Variants in SLC2A12 observed in about 807,000 individuals in gnomAD.
SLC2A12 encodes solute carrier family 2, facilitated glucose transporter member 12.
A neutral mutation model predicts 41.8 loss-of-function variants in SLC2A12; 23 were observed. That is an observed-to-expected ratio of 0.55 (90% CI 0.40 to 0.78). The LOEUF is 0.78. Among genes scored for constraint, SLC2A12 ranks in the 30% least tolerant of loss-of-function variants. The pLI, the probability that SLC2A12 is intolerant of heterozygous loss-of-function variation, is 0.00. For missense variants in SLC2A12, 654 were observed against 745.6 expected, an observed-to-expected ratio of 0.88 and a Z score of 1.43; for synonymous variants, 295 against 285.9, an observed-to-expected ratio of 1.03 and a Z score of -0.32.
chr6:134,032,914 A>G (rs1777242427), intron 1 of SLC2A12, among the ~76,000 whole-genome samples: 1 of 148,960 alleles, frequency 6.7e-6, no homozygotes, highest in Admixed American at 6.8e-5. Flanking sequence ...TGGTAGGAAC[A>G]CAGATGTTTG....
chr6:134,017,702 A>C (rs1776980585), intron 2 of SLC2A12, among the ~76,000 whole-genome samples: 1 of 151,958 alleles, frequency 6.6e-6, no homozygotes, highest in Admixed American at 6.6e-5. Flanking sequence ...AATACAAAAA[A>C]AATTAGCCAG....
rs534462587 is a variant in SLC2A12, at chr6:134,020,481, T to C, written c.1444+7900A>G. 3.9e-5 allele frequency among the ~76,000 whole-genome samples: 6 copies of C among 152,348 alleles called. No individual in the cohort carries two copies. The South Asian group carries it at 8.3e-4, about 21-fold the overall frequency. ...TCTTCTTTAAACTCCAACTAGTTTA[T>C]ATAGTTTATACCAATGCTCTAGAAT... On this transcript the variant is annotated intron_variant, in intron 2 of 4. Coordinates refer to ENST00000275230, the MANE Select transcript of SLC2A12 (RefSeq NM_145176.3).
intron 1 of SLC2A12, among the ~76,000 whole-genome samples, chr6:134,052,006 A>G (rs1212563628): frequency 6.6e-6 from 1 of 152,320 alleles, no homozygotes; most frequent in African/African-American, 2.4e-5. Flanking sequence ...TGTGTTTACA[A>G]ATGAGACTAT....
chr6:134,003,780 C>T (rs1039668886), intron 3 of SLC2A12, among the ~76,000 whole-genome samples: 5 of 152,172 alleles, frequency 3.3e-5, no homozygotes, highest in Non-Finnish European at 7.3e-5. Flanking sequence ...ATGTTTTACT[C>T]AGAGCTGAAT....
At position 134,029,165 on chromosome 6, in the gene SLC2A12, G is replaced by A. The variant is rs1443819595; in HGVS notation, c.660C>T (p.Ser220=). 8 of 1,613,958 alleles carry A rather than the reference G, an allele frequency of 5.0e-6. No homozygotes were observed. The highest frequency in any genetic ancestry group is 5.9e-6 in the Non-Finnish European group (7 of 1,180,038). Residue 220 remains serine (S), a synonymous_variant, in exon 2 of 5, where the codon AGC becomes AGT. Transcript: ENST00000275230. The part of the protein sequence containing the change: ...QAIAMYFLPP[S]PRFLVMKGQE... ...GTCCTTTCATCACCAGAAACCGAGG[G>A]CTTGGAGGAAGAAAATACATTGCAA...
At chr6:134,014,458 CA>C (rs762220357) in intron 2 of SLC2A12, among the ~76,000 whole-genome samples, 2 of 152,118 alleles carry the variant, frequency 1.3e-5, no homozygotes, top group Non-Finnish European at 2.9e-5. Flanking sequence ...AATACCAAGC[CA>C]AAAAGGAAGG....
intron 2 of SLC2A12, 99 bp from the exon 3 acceptor site, chr6:134,007,033 C>A: frequency 6.6e-7 from 1 of 1,521,440 alleles, no homozygotes; most frequent in Non-Finnish European, 8.8e-7. Flanking sequence ...CTCATCCTGC[C>A]GGGATTTGTG....
At chr6:134,046,280 A>C (rs957102854) in intron 1 of SLC2A12, among the ~76,000 whole-genome samples, 9 of 152,262 alleles carry the variant, frequency 5.9e-5, no homozygotes, top group African/African-American at 2.2e-4. Context: ...GAGTTGTCTG[A>C]GAAGCAGCTA....
intron 2 of SLC2A12, among the ~76,000 whole-genome samples, chr6:134,008,183 A>T (rs1021946779): frequency 6.6e-6 from 1 of 152,192 alleles, no homozygotes; most frequent in African/African-American, 2.4e-5. Context: ...TCTGGCCAGC[A>T]ACCACCTGGG....
chr6:134,027,423 C>A (rs1777128662), intron 2 of SLC2A12, among the ~76,000 whole-genome samples: 1 of 152,086 alleles, frequency 6.6e-6, no homozygotes, highest in Non-Finnish European at 1.5e-5. Flanking sequence ...CTCCTTGATC[C>A]TTTTCAACAA....
At chr6:134,001,844 T>C (rs1562191218) in intron 4 of SLC2A12, among the ~76,000 whole-genome samples, 153 bp downstream of exon 4, 1 of 150,932 alleles carries the variant, frequency 6.6e-6, no homozygotes, top group Non-Finnish European at 1.5e-5. Flanking sequence ...AGCAGGGAAA[T>C]TGGAATTATG....
chr6:134,019,378 T>A (rs145125907), intron 2 of SLC2A12, among the ~76,000 whole-genome samples: 64 of 152,372 alleles, frequency 4.2e-4, no homozygotes, highest in African/African-American at 1.4e-3. Flanking sequence ...ATCTTCACGT[T>A]GTTCTGTGTC....
chr6:134,020,050 A>T (rs1179304541), intron 2 of SLC2A12, among the ~76,000 whole-genome samples: 1 of 151,938 alleles, frequency 6.6e-6, no homozygotes, highest in Non-Finnish European at 1.5e-5. Context: ...AAAGTATGTA[A>T]GATTACATGA....
intron 3 of SLC2A12, among the ~76,000 whole-genome samples, chr6:134,004,548 A>G (rs545393944): frequency 2.6e-5 from 4 of 152,202 alleles, no homozygotes; most frequent in Non-Finnish European, 5.9e-5. Flanking sequence ...TATATATGAA[A>G]TGAAGAAATT....
At chr6:134,027,027 T>C (rs1274497392) in intron 2 of SLC2A12, among the ~76,000 whole-genome samples, 1 of 152,186 alleles carries the variant, frequency 6.6e-6, no homozygotes, top group Non-Finnish European at 1.5e-5. Context: ...AGTCTAGTTA[T>C]TAATTGAGAT....
intron 2 of SLC2A12, among the ~76,000 whole-genome samples, chr6:134,022,352 G>A (rs149428149): frequency 0.015 from 2,293 of 152,114 alleles, 59 homozygotes; most frequent in African/African-American, 0.053. Context: ...CCAACATGGC[G>A]AAACCCCGTC....
intron 2 of SLC2A12, among the ~76,000 whole-genome samples, chr6:134,017,726 C>T (rs1419428328): frequency 6.6e-6 from 1 of 151,886 alleles, no homozygotes; most frequent in Non-Finnish European, 1.5e-5. Context: ...TGGTGGCGGG[C>T]GCCTGTAGTC....
chr6:134,049,644 C>G (rs1412024430), intron 1 of SLC2A12, among the ~76,000 whole-genome samples: 1 of 151,026 alleles, frequency 6.6e-6, no homozygotes, highest in Non-Finnish European at 1.5e-5. Context: ...TGGAACATGT[C>G]CATGAAAGCT....
At position 133,991,105 on chromosome 6, in the gene SLC2A12, A is replaced by T. The variant is rs985241582; in HGVS notation, c.*50T>A. The T allele has an allele frequency of 6.4e-7, 1 of 1,564,264 alleles. No homozygotes were observed. ...CGCAACTATGCATTGGTCCAAAGAC[A>T]CCCTCCTAAGTGTTCTGGCACTATC... On this transcript the variant is annotated 3_prime_UTR_variant, in exon 5 of 5. Coordinates refer to ENST00000275230, the MANE Select transcript of SLC2A12 (RefSeq NM_145176.3).
Sources: gnomAD v4.1 joint callset for allele counts (sites outside exome capture counted in the v4.1 genomes callset) on GRCh38, gnomAD v4.1.1 for gene constraint, MANE v1.5 for transcripts, NCBI Gene and HGNC (gene_info 2026-07-23, HGNC 2026-07-21) for gene names.